TNFAIP2: variants seen among roughly 807,000 people sequenced by gnomAD.
The protein encoded by TNFAIP2 is tumor necrosis factor alpha-induced protein 2.
In TNFAIP2, 47 loss-of-function variants were observed where a neutral mutation model predicts 63.5. The ratio of observed to expected loss-of-function variants is 0.74; its 90% CI spans 0.59 to 0.94. The LOEUF is 0.94. Among genes scored for constraint, TNFAIP2 ranks in the 40% least tolerant of loss-of-function variants. The probability of loss-of-function intolerance (pLI) is 0.00; values close to 1 mark genes in which losing one functional copy is unlikely to be tolerated. For missense variants in TNFAIP2, 787 were observed against 850.2 expected (o/e 0.93, Z 0.92); for synonymous variants, 405 against 390.2 (o/e 1.04, Z -0.45).
chr14:103,123,234 C>T (rs890268210), upstream of TNFAIP2, among the ~76,000 whole-genome samples: 2 of 152,340 alleles, frequency 1.3e-5, no homozygotes, highest in South Asian at 4.1e-4. Context: ...CGCGGCCAGC[C>T]CCCCGCCCCT....
At chr14:103,130,156 G>A (rs764158604) in intron 5 of TNFAIP2, 32 bp downstream of exon 5, 97 of 1,599,668 alleles carry the variant, frequency 6.1e-5, no homozygotes, top group Non-Finnish European at 7.0e-5. Flanking sequence ...CACACGTACC[G>A]CCCGTGCACG....
chr14:103,132,720 T>C (rs1185319823), intron 8 of TNFAIP2, 30 bp from the exon 9 acceptor site: 1 of 1,605,468 alleles, frequency 6.2e-7, no homozygotes, highest in Admixed American at 1.7e-5. Context: ...CTCCAGGGCG[T>C]GACTAGACAT....
At chr14:103,125,801 GGGCTGGGTCTGGGCAGGAGGA>G in intron 1 of TNFAIP2, among the ~76,000 whole-genome samples, 1 of 152,212 alleles carries the variant, frequency 6.6e-6, no homozygotes, top group Non-Finnish European at 1.5e-5. Flanking sequence ...GATGGCAGAG[GGGCTGGGTCTGGGCAGGAGGA>G]GGCTGGGTTC....
chr14:103,129,903 G>A, intron 4 of TNFAIP2, 49 bp downstream of exon 4: 1 of 1,607,984 alleles, frequency 6.2e-7, no homozygotes, highest in Non-Finnish European at 8.5e-7. Context: ...GCAGAGGAGA[G>A]GCTCGGAGAC....
At position 103,127,942 on chromosome 14, in the gene TNFAIP2, C is replaced by T. The variant is rs181584973; in HGVS notation, c.860+313C>T. Among the ~76,000 whole-genome samples the T allele has an allele frequency of 2.6e-5, 4 of 152,154 alleles. No individual in the cohort carries two copies. The highest frequency in any genetic ancestry group is 5.9e-5 in the Non-Finnish European group (4 of 68,026). On this transcript the variant is annotated intron_variant, in intron 3 of 11. Transcript: ENST00000560869. This position sits in a 1 kb window ranked among gnomAD's most constrained non-coding sequence, Gnocchi z 5.1. Reference sequence around the variant, plus strand: ...CAGAAAATGGTAGGGATTTCATTCACGAGCGCCCAGTCTGAGGAGGGGGCA... The same window carrying T: ...CAGAAAATGGTAGGGATTTCATTCATGAGCGCCCAGTCTGAGGAGGGGGCA...
In TNFAIP2 at chr14:103,131,544, G is replaced by T; in HGVS notation, c.1299-95G>T. The T allele has an allele frequency of 3.5e-6, 5 of 1,443,212 alleles. No individual in the cohort carries two copies. The highest frequency in any genetic ancestry group is 4.6e-6 in the Non-Finnish European group (5 of 1,092,458). The allele number at this position is 1,443,212 out of a possible 1,614,324, so 89.4% of individuals were successfully genotyped here. A position where few individuals can be genotyped will look rare whatever the true frequency, so the allele number is the denominator to read the frequency against. ...CCATAGAGAATGGGGAGCCATTGAG[G>T]GTTCTAGAGTGAAGAGAGGGGGCTG... On this transcript the variant is annotated intron_variant, in intron 7 of 11. Coordinates refer to ENST00000560869, the MANE Select transcript of TNFAIP2 (RefSeq NM_006291.4). The surrounding 1 kb of genome is among the most constrained non-coding windows in gnomAD (Gnocchi z 4.0).
rs1465985855 is a variant in TNFAIP2, at chr14:103,131,312, T to G, written c.1298+162T>G. Among the ~76,000 whole-genome samples the G allele has an allele frequency of 6.6e-6, 1 of 152,148 alleles. No homozygotes were observed. Among genetic ancestry groups the G allele is most frequent in the African/African-American group, 2.4e-5 (1 of 41,416 alleles). ...GGCCTGCAGCAGCAGCAGCAAACATTTCCCAAGTGCTGGCTGGGGCAAGCA... is the reference window on the plus strand; with the variant it reads ...GGCCTGCAGCAGCAGCAGCAAACATGTCCCAAGTGCTGGCTGGGGCAAGCA... On this transcript the variant is annotated intron_variant, in intron 7 of 11. Coordinates refer to ENST00000560869, the MANE Select transcript of TNFAIP2 (RefSeq NM_006291.4). This position sits in a 1 kb window ranked among gnomAD's most constrained non-coding sequence, Gnocchi z 4.0.
Position 103,131,908 on chromosome 14 carries a change from G to A in TNFAIP2, c.1422+146G>A. On this transcript the variant is annotated intron_variant, in intron 8 of 11. Transcript: ENST00000560869. This position sits in a 1 kb window ranked among gnomAD's most constrained non-coding sequence, Gnocchi z 4.0. ...GTGGACGGCACCGTGGGCCAGCTCT[G>A]GTGCAGCGGTGATGCCCGGTTGGGG... is the stretch of plus-strand genomic sequence containing the variant. 6 of 1,196,134 alleles carry A rather than the reference G, an allele frequency of 5.0e-6. No homozygotes were observed. Among genetic ancestry groups the A allele is most frequent in the Non-Finnish European group, 6.8e-6 (6 of 880,372 alleles). 74.1% of individuals were successfully genotyped at this position (1,196,134 alleles called of 1,614,324 possible). A position where few individuals can be genotyped will look rare whatever the true frequency, so the allele number is the denominator to read the frequency against.
upstream of TNFAIP2, chr14:103,123,019 G>A: frequency 2.9e-6 from 1 of 346,654 alleles, no homozygotes; most frequent in South Asian, 2.1e-5. Context: ...TGTGGCCACG[G>A]TGACACCGGA....
chr14:103,129,980 T>C (rs748045568), intron 4 of TNFAIP2, 22 bp from the exon 5 acceptor site: 20 of 1,610,280 alleles, frequency 1.2e-5, no homozygotes, highest in Non-Finnish European at 1.7e-5. Context: ...AGTGCCCCAG[T>C]GACCTGCCCC....
At position 103,126,994 on chromosome 14, in the gene TNFAIP2, TC is replaced by T; in HGVS notation, c.236-8del. ...GCTGGGGCCGGGGCTGACGCGGCTT[TC>T]CCGGCGCAGTGGAGGAGCTGAAGGC... is the stretch of plus-strand genomic sequence containing the variant. On this transcript the variant is annotated splice_polypyrimidine_tract_variant and intron_variant, in intron 2 of 11. Coordinates refer to ENST00000560869, the MANE Select transcript of TNFAIP2 (RefSeq NM_006291.4). 8.2e-7 allele frequency: 1 copy of T among 1,216,058 alleles called. No individual in the cohort carries two copies. Among genetic ancestry groups the T allele is most frequent in the Non-Finnish European group, 1.0e-6 (1 of 975,560 alleles). 75.3% of individuals were successfully genotyped at this position (1,216,058 alleles called of 1,614,324 possible). A position where few individuals can be genotyped will look rare whatever the true frequency, so the allele number is the denominator to read the frequency against.
In TNFAIP2 at chr14:103,133,473, A is replaced by C. The variant is rs755200281; in HGVS notation, c.1657A>C (p.Ile553Leu). 6 of 1,613,874 alleles carry C rather than the reference A, an allele frequency of 3.7e-6. No homozygotes were observed. In the Admixed American group the frequency reaches 5.0e-5, roughly 13 times the overall value. Reference protein sequence around the residue: ...AEQQQQLAGYILANADTIQHF... With the variant: ...AEQQQQLAGYLLANADTIQHF... The stretch of plus-strand genomic sequence containing the variant: ...GCAGCAGCAGCAGCTGGCTGGGTAC[A>C]TCCTGGCCAATGCTGACACCATCCA... The change falls in exon 10 of 12, where the codon ATC (isoleucine) becomes CTC (leucine). Residue 553 changes from isoleucine to leucine, a missense_variant. By Grantham distance (5) the Ile-to-Leu change is conservative (BLOSUM62 2). Transcript: ENST00000560869.
intron 2 of TNFAIP2, 69 bp downstream of exon 2, chr14:103,126,761 A>G: frequency 6.8e-7 from 1 of 1,468,914 alleles, no homozygotes; most frequent in Non-Finnish European, 9.2e-7. Flanking sequence ...CGCGTGAGTG[A>G]GCCACTTGCA....
chr14:103,129,697 G>T, intron 3 of TNFAIP2, 43 bp from the exon 4 acceptor site: 1 of 1,575,630 alleles, frequency 6.3e-7, no homozygotes, highest in South Asian at 1.1e-5. Context: ...TGGTGGTGCT[G>T]ATTTGGTATA....
intron 2 of TNFAIP2, 59 bp downstream of exon 2, chr14:103,126,751 C>A: frequency 2.0e-6 from 3 of 1,495,766 alleles, no homozygotes; most frequent in Non-Finnish European, 2.7e-6. Flanking sequence ...GGCGCTCATC[C>A]GCGTGAGTGA....
At chr14:103,126,724 G>T in intron 2 of TNFAIP2, 32 bp downstream of exon 2, 1 of 1,551,178 alleles carries the variant, frequency 6.4e-7, no homozygotes, top group South Asian at 1.2e-5. Flanking sequence ...GAGCTAGTCT[G>T]GGGCCTGGAC....
At chr14:103,133,092 G>A (rs966831103) in intron 9 of TNFAIP2, among the ~76,000 whole-genome samples, 2 of 152,224 alleles carry the variant, frequency 1.3e-5, no homozygotes, top group African/African-American at 2.4e-5. Flanking sequence ...GAATGCACGA[G>A]CATGTGAACA....
In TNFAIP2 at chr14:103,135,778, G is replaced by T. The variant is rs1339266354; in HGVS notation, c.*418G>T. On this transcript the variant is annotated 3_prime_UTR_variant, in exon 12 of 12. Transcript: ENST00000560869. This position sits in a 1 kb window ranked among gnomAD's most constrained non-coding sequence, Gnocchi z 7.6. ...GCCCTCTTCAGCTCTCTGGAGACAG[G>T]GGCCGAGCCTCACCCATCTGCCCTC... 1 of 1,290,288 alleles carries T rather than the reference G, an allele frequency of 7.8e-7. No homozygotes were observed. Among genetic ancestry groups the T allele is most frequent in the Admixed American group, 2.3e-5 (1 of 42,814 alleles). 79.9% of individuals were successfully genotyped at this position (1,290,288 alleles called of 1,614,324 possible). A position where few individuals can be genotyped will look rare whatever the true frequency, so the allele number is the denominator to read the frequency against.
chr14:103,136,104 C>G lies in TNFAIP2; in HGVS notation c.*744C>G. 9.4e-7 allele frequency: 1 copy of G among 1,061,428 alleles called. No individual in the cohort carries two copies. The allele number at this position is 1,061,428 out of a possible 1,614,324, so 65.8% of individuals were successfully genotyped here. ...CCAAGACCTCCTGGGTCCTCTCAGG[C>G]TCCCCCTTCCCCAAGGCAGGGACAG... is the stretch of plus-strand genomic sequence containing the variant. On this transcript the variant is annotated 3_prime_UTR_variant, in exon 12 of 12. Coordinates refer to ENST00000560869, the MANE Select transcript of TNFAIP2 (RefSeq NM_006291.4).
Sources: gnomAD v4.1 joint callset for allele counts (sites outside exome capture counted in the v4.1 genomes callset) on GRCh38, gnomAD v4.1.1 for gene constraint, Gnocchi (gnomAD v3.1) non-coding constraint, MANE v1.5 for transcripts, NCBI Gene and HGNC (gene_info 2026-07-23, HGNC 2026-07-21) for gene names.